The following DMAC2L variants were observed in gnomAD, a reference collection of about 807,000 sequenced individuals.
DMAC2L encodes the protein distal membrane arm assembly component 2 like, also known as ATP synthase subunit s, mitochondrial.
A neutral mutation model predicts 22.5 loss-of-function variants in DMAC2L; 21 were observed. That is an observed-to-expected ratio of 0.93 (90% CI 0.66 to 1.34). The LOEUF (loss-of-function observed/expected upper bound fraction) is 1.34. Among genes scored for constraint, DMAC2L ranks in the 40% most tolerant of loss-of-function variants. The pLI is 0.00. For missense variants in DMAC2L, 239 were observed against 246.5 expected (o/e 0.97, Z 0.20); for synonymous variants, 86 against 89.5 (o/e 0.96, Z 0.22).
chr14:50,312,080 G>C (rs1232119740), upstream of DMAC2L: 1 of 1,604,538 alleles, frequency 6.2e-7, no homozygotes, highest in Non-Finnish European at 8.5e-7. Flanking sequence ...GCACGCCCCA[G>C]GGGAGCCACC....
At chr14:50,311,916 G>T, upstream of DMAC2L, 1 of 1,500,758 alleles carries the variant, frequency 6.7e-7, no homozygotes, top group Non-Finnish European at 8.9e-7. Context: ...TCTCACCCCG[G>T]GACAGGGAAA....
At position 50,326,372 on chromosome 14, in the gene DMAC2L, A is replaced by G; in HGVS notation, c.*649A>G. On this transcript the variant is annotated 3_prime_UTR_variant, in exon 6 of 6. Coordinates refer to ENST00000557421, the MANE Select transcript of DMAC2L (RefSeq NM_001382507.1). ...GTACAACAGATGTTTTTATTATAAC[A>G]GTAATTTACATTTAACTTTAAAGTT... The G allele has an allele frequency of 1.1e-6, 1 of 893,588 alleles. No individual in the cohort carries two copies. Among genetic ancestry groups the G allele is most frequent in the Non-Finnish European group, 1.3e-6 (1 of 746,348 alleles). The allele number at this position is 893,588 out of a possible 1,614,324, so 55.4% of individuals were successfully genotyped here. A position where few individuals can be genotyped will look rare whatever the true frequency, so the allele number is the denominator to read the frequency against.
At chr14:50,317,042 G>A (rs566376536) in intron 2 of DMAC2L, among the ~76,000 whole-genome samples, 2 of 152,286 alleles carry the variant, frequency 1.3e-5, no homozygotes, top group East Asian at 3.9e-4. Flanking sequence ...TTTTCACAAT[G>A]TTGACTCTAT....
At chr14:50,317,766 A>G (rs1595192771) in intron 2 of DMAC2L, among the ~76,000 whole-genome samples, 1 of 151,434 alleles carries the variant, frequency 6.6e-6, no homozygotes, top group Non-Finnish European at 1.5e-5. Flanking sequence ...GTGAAACACT[A>G]TCTCCAAAAA....
At chr14:50,322,996 G>T in intron 4 of DMAC2L, 3 of 1,322,658 alleles carry the variant, frequency 2.3e-6, no homozygotes, top group Non-Finnish European at 2.9e-6. Flanking sequence ...AACTATCTTT[G>T]TCAAACTTCT....
At chr14:50,321,102 C>A (rs1288862179) in intron 2 of DMAC2L, among the ~76,000 whole-genome samples, 1 of 152,104 alleles carries the variant, frequency 6.6e-6, no homozygotes, top group Non-Finnish European at 1.5e-5. Context: ...GTTGCTCTTT[C>A]GGTGATTTTA....
In DMAC2L at chr14:50,326,763, G is replaced by A. The variant is rs754102433; in HGVS notation, c.*1040G>A. On this transcript the variant is annotated 3_prime_UTR_variant, in exon 6 of 6. Coordinates refer to ENST00000557421, the MANE Select transcript of DMAC2L (RefSeq NM_001382507.1). ...TTGAAACCTAACATTGCTTTAGGCT[G>A]GGTGCCGTGGCTCGTGCCTGTAATC... is the stretch of plus-strand genomic sequence containing the variant. 1.0e-5 allele frequency: 10 copies of A among 985,110 alleles called. No homozygotes were observed. The highest frequency in any genetic ancestry group is 1.2e-5 in the Non-Finnish European group (10 of 829,820). The allele number at this position is 985,110 out of a possible 1,614,324, so 61.0% of individuals were successfully genotyped here.
chr14:50,321,911 C>G (rs1254948051), intron 3 of DMAC2L, among the ~76,000 whole-genome samples: 2 of 151,976 alleles, frequency 1.3e-5, no homozygotes, highest in East Asian at 3.8e-4. Flanking sequence ...ATTTTTATGG[C>G]TTTTTAAAGG....
rs2032767921 is a variant in DMAC2L, at chr14:50,327,810, C to CT, written c.*2090dup. 1 of 152,098 alleles carries CT rather than the reference C, an allele frequency of 6.6e-6. No homozygotes were observed. Among genetic ancestry groups the CT allele is most frequent in the South Asian group, 2.1e-4 (1 of 4,830 alleles). 9.4% of individuals were successfully genotyped at this position (152,098 alleles called of 1,614,324 possible). A position where few individuals can be genotyped will look rare whatever the true frequency, so the allele number is the denominator to read the frequency against. ...TTGAAAATAATTTTCTATGATACAGCTTTCAGGTAGAAAAATGAATTTTCG... is the reference window on the plus strand; with the variant it reads ...TTGAAAATAATTTTCTATGATACAGCTTTTCAGGTAGAAAAATGAATTTTCG... On this transcript the variant is annotated 3_prime_UTR_variant, in exon 6 of 6. Transcript: ENST00000557421.
At chr14:50,323,852 T>G (rs2032496170) in intron 4 of DMAC2L, 93 bp from the exon 5 acceptor site, 2 of 1,045,224 alleles carry the variant, frequency 1.9e-6, no homozygotes, top group Non-Finnish European at 2.8e-6. Context: ...CATAGGACTT[T>G]CAGTCCTAAA....
intron 3 of DMAC2L, 26 bp from the exon 4 acceptor site, chr14:50,322,485 A>C (rs1371253694): frequency 1.9e-6 from 3 of 1,575,504 alleles, no homozygotes; most frequent in Non-Finnish European, 8.7e-7. Context: ...TGTAAAAGCA[A>C]ACTGCTTTTT....
rs185621412 is a variant in DMAC2L, at chr14:50,312,407, G to A, written c.-42+18G>A. ...CCGACGCTGTGAGTAGAGAAGCTAGGCCCCGAGCCGGGCGGGACTAGGGTG... is the reference window on the plus strand; with the variant it reads ...CCGACGCTGTGAGTAGAGAAGCTAGACCCCGAGCCGGGCGGGACTAGGGTG... On this transcript the variant is annotated intron_variant, in intron 1 of 5. Coordinates refer to ENST00000557421, the MANE Select transcript of DMAC2L (RefSeq NM_001382507.1). 3.5e-6 allele frequency: 2 copies of A among 567,172 alleles called. No homozygotes were observed. Among genetic ancestry groups the A allele is most frequent in the South Asian group, 2.0e-5 (1 of 50,306 alleles). The allele number at this position is 567,172 out of a possible 1,614,324, so 35.1% of individuals were successfully genotyped here. A position where few individuals can be genotyped will look rare whatever the true frequency, so the allele number is the denominator to read the frequency against.
In DMAC2L at chr14:50,327,460, T is replaced by A. The variant is rs1190286368; in HGVS notation, c.*1737T>A. On this transcript the variant is annotated 3_prime_UTR_variant, in exon 6 of 6. Transcript: ENST00000557421. ...AGATTTCTGTGTGTTTGATTTGAAC[T>A]TTTTTTTTTTTTTTTTTTTTTTTGA... 2 of 10,576 alleles carry A rather than the reference T, an allele frequency of 1.9e-4. No homozygotes were observed. Among genetic ancestry groups the A allele is most frequent in the Admixed American group, 3.3e-3 (2 of 604 alleles). The allele number at this position is 10,576 out of a possible 1,614,324, so 0.7% of individuals were successfully genotyped here. A position where few individuals can be genotyped will look rare whatever the true frequency, so the allele number is the denominator to read the frequency against.
chr14:50,314,144 T>C (rs1003571019), intron 1 of DMAC2L, among the ~76,000 whole-genome samples: 6 of 152,248 alleles, frequency 3.9e-5, no homozygotes, highest in African/African-American at 1.4e-4. Context: ...AATCTCATCT[T>C]GAATTGTAAC....
chr14:50,312,836 G>A lies in DMAC2L; in HGVS notation c.-42+447G>A, dbSNP rs186564357. 106 of 638,698 alleles carry A rather than the reference G, an allele frequency of 1.7e-4. No homozygotes were observed. In the Middle Eastern group the frequency reaches 3.1e-3, roughly 18 times the overall value. 39.6% of individuals were successfully genotyped at this position (638,698 alleles called of 1,614,324 possible). On this transcript the variant is annotated intron_variant, in intron 1 of 5. Coordinates refer to ENST00000557421, the MANE Select transcript of DMAC2L (RefSeq NM_001382507.1). ...GAAGACTGACAGCCCGCAGTCTTCTGGACTTCTTTTATGGGGCTCCTGGCG... is the reference window on the plus strand; with the variant it reads ...GAAGACTGACAGCCCGCAGTCTTCTAGACTTCTTTTATGGGGCTCCTGGCG...
At chr14:50,323,595 T>C (rs558645291) in intron 4 of DMAC2L, among the ~76,000 whole-genome samples, 34 of 151,628 alleles carry the variant, frequency 2.2e-4, no homozygotes, top group African/African-American at 7.8e-4. Flanking sequence ...GGTTTTGCCG[T>C]GTTGACCAGG....
intron 3 of DMAC2L, 140 bp from the exon 4 acceptor site, chr14:50,322,371 A>T: frequency 1.2e-6 from 1 of 842,074 alleles, no homozygotes; most frequent in East Asian, 3.3e-5. Flanking sequence ...TTTTTTTTGC[A>T]TGGATCTCAC....
chr14:50,323,794 G>A, intron 4 of DMAC2L, 151 bp from the exon 5 acceptor site: 1 of 602,700 alleles, frequency 1.7e-6, no homozygotes, highest in South Asian at 2.2e-5. Flanking sequence ...ATGGTTAATA[G>A]GGTGAGCAGT....
Position 50,323,962 on chromosome 14 carries a change from G to A in DMAC2L, c.334G>A (p.Glu112Lys). 6.2e-7 allele frequency: 1 copy of A among 1,610,846 alleles called. No homozygotes were observed. The highest frequency in any genetic ancestry group is 8.5e-7 in the Non-Finnish European group (1 of 1,178,928). ...FDHMEGLEHV[E>K]KIRLCKCHYI... ...CTCCCCAGAGGGCCTAGAGCATGTT[G>A]AAAAAATAAGGCTGTGCAAGTGTCA... Residue 112 changes from glutamate to lysine, a missense_variant, in exon 5 of 6, where the codon GAA (glutamate) becomes AAA (lysine). By Grantham distance (56) the Glu-to-Lys change is moderately conservative. Coordinates refer to ENST00000557421, the MANE Select transcript of DMAC2L (RefSeq NM_001382507.1).
Sources: gnomAD v4.1 joint callset for allele counts (sites outside exome capture counted in the v4.1 genomes callset) on GRCh38, gnomAD v4.1.1 for gene constraint, MANE v1.5 for transcripts, NCBI Gene and HGNC (gene_info 2026-07-23, HGNC 2026-07-21) for gene names.